Variants in TRIM9 observed in about 807,000 individuals in gnomAD.
The protein encoded by TRIM9 is tripartite motif containing 9.
A neutral mutation model predicts 78.3 loss-of-function variants in TRIM9; 26 were observed. That is an observed-to-expected ratio of 0.33 (90% CI 0.24 to 0.46). The LOEUF (loss-of-function observed/expected upper bound fraction) is 0.46, where lower values mean the gene tolerates loss of function less well. Among genes scored for constraint, TRIM9 ranks in the 20% least tolerant of loss-of-function variants. TRIM9 has a pLI of 1.00. For synonymous variants in TRIM9, 398 were observed against 416.5 expected, an observed-to-expected ratio of 0.96 and a Z score of 0.54; for missense variants, 787 against 1,036.4, an observed-to-expected ratio of 0.76 and a Z score of 3.30.
chr14:51,011,310 A>G (rs1175763390), intron 3 of TRIM9, among the ~76,000 whole-genome samples: 5 of 152,126 alleles, frequency 3.3e-5, no homozygotes, highest in African/African-American at 1.2e-4. Context: ...CTTCAGAGGC[A>G]TTTGTCATTT....
chr14:51,045,983 C>T (rs563861941), intron 1 of TRIM9, among the ~76,000 whole-genome samples: 2 of 151,952 alleles, frequency 1.3e-5, no homozygotes, highest in Admixed American at 6.6e-5. Context: ...TTACAACAAA[C>T]GAACCAGTGC....
Position 51,094,567 on chromosome 14 carries a change from A to T in TRIM9, c.373T>A (p.Cys125Ser). ...PALAPVPRNS[C>S]ITCPQCHRSL... is the part of the protein sequence containing the mutation. ...CGGTGACACTGGGGGCAGGTGATAC[A>T]GGAGTTGCGGGGCACCGGGGCCAGG... The change falls in exon 1 of 13, where the codon TGT (cysteine) becomes AGT (serine). Residue 125 changes from cysteine (C) to serine (S), a missense_variant. Around this residue, in one of 3 missense-constraint regions of TRIM9, gnomAD observed 352 missense variants for 472.3 expected, o/e 0.75. Coordinates refer to ENST00000684578, the MANE Select transcript of TRIM9 (RefSeq NM_001387360.1). The T allele has an allele frequency of 6.2e-7, 1 of 1,612,554 alleles. No individual in the cohort carries two copies. The highest frequency in any genetic ancestry group is 8.5e-7 in the Non-Finnish European group (1 of 1,179,644).
At chr14:50,979,641 T>G in intron 11 of TRIM9, 92 bp from the exon 12 acceptor site, 7 of 1,067,534 alleles carry the variant, frequency 6.6e-6, no homozygotes, top group Non-Finnish European at 9.7e-6. Context: ...TCTTGCAACC[T>G]GTTTATAATC....
At chr14:50,992,431 C>T (rs1174896628) in intron 7 of TRIM9, among the ~76,000 whole-genome samples, 3 of 149,646 alleles carry the variant, frequency 2.0e-5, no homozygotes, top group East Asian at 1.9e-4. Flanking sequence ...AAAAAAAAGC[C>T]AGGTGTGGTG....
At chr14:50,993,445 C>T (rs530160507) in intron 7 of TRIM9, among the ~76,000 whole-genome samples, 8 of 151,538 alleles carry the variant, frequency 5.3e-5, no homozygotes, top group South Asian at 2.1e-4. Context: ...CTCAGCTCAC[C>T]GCAACCTCTG....
chr14:51,048,241 A>C (rs1401827864), intron 1 of TRIM9, among the ~76,000 whole-genome samples: 1 of 152,202 alleles, frequency 6.6e-6, no homozygotes, highest in African/African-American at 2.4e-5. Flanking sequence ...TGCCTTGTGA[A>C]TGTCTATCTG....
intron 5 of TRIM9, among the ~76,000 whole-genome samples, chr14:51,003,371 T>C (rs555220299): frequency 6.6e-6 from 1 of 152,318 alleles, no homozygotes; most frequent in South Asian, 2.1e-4. Flanking sequence ...TGCTCTTATT[T>C]CATTAGCTCC....
chr14:50,996,448 C>T (rs906081564), intron 7 of TRIM9: 1 of 985,320 alleles, frequency 1.0e-6, no homozygotes, highest in African/African-American at 1.7e-5. Context: ...ATGCTAATAA[C>T]TGATTTTTAC....
Position 50,986,067 on chromosome 14 carries a change from A to G in TRIM9, c.1681T>C (p.Ser561Pro), listed in dbSNP as rs748523545. The G allele has an allele frequency of 7.2e-5, 111 of 1,549,648 alleles. No individual in the cohort carries two copies. Among genetic ancestry groups the G allele is most frequent in the Non-Finnish European group, 6.8e-5 (78 of 1,146,558 alleles). ...RLPLRRMSPF[S>P]STLNLQPSFP... ...CTGGGTTGTAGATTAAGGGTGGAGG[A>G]GAAAGGACTCATTCTACGGAGCGGC... The change falls in exon 8 of 13, where the codon TCC (serine) becomes CCC (proline). Residue 561 changes from serine to proline, a missense_variant. By Grantham distance (74) the Ser-to-Pro change is moderately conservative. Transcript: ENST00000684578.
At chr14:51,042,963 T>C (rs78156576) in intron 1 of TRIM9, among the ~76,000 whole-genome samples, 11,724 of 152,246 alleles carry the variant, frequency 0.077, 533 homozygotes, top group East Asian at 0.15. Flanking sequence ...TCTCTATATA[T>C]CTATTCCTGG....
At chr14:50,994,244 A>G (rs565904400) in intron 7 of TRIM9, among the ~76,000 whole-genome samples, 124 of 152,288 alleles carry the variant, frequency 8.1e-4, no homozygotes, top group Non-Finnish European at 1.6e-3. Flanking sequence ...CATCTCTACA[A>G]AAAATTTAAA....
chr14:51,022,199 G>A (rs1156769154), intron 3 of TRIM9, among the ~76,000 whole-genome samples: 1 of 152,194 alleles, frequency 6.6e-6, no homozygotes, highest in East Asian at 1.9e-4. Flanking sequence ...AAGAGGTGGA[G>A]CCTTTAAGGA....
intron 1 of TRIM9, among the ~76,000 whole-genome samples, chr14:51,036,010 G>A (rs1431362151): frequency 1.3e-5 from 2 of 152,200 alleles, no homozygotes; most frequent in East Asian, 3.8e-4. Flanking sequence ...TTGCTTGCAA[G>A]AATTCTATTG....
chr14:51,036,792 A>G (rs1271639468), intron 1 of TRIM9, among the ~76,000 whole-genome samples: 1 of 152,144 alleles, frequency 6.6e-6, no homozygotes, highest in Non-Finnish European at 1.5e-5. Flanking sequence ...CCCATCATTT[A>G]TTTTAAAACT....
At chr14:51,036,830 T>C (rs568470267) in intron 1 of TRIM9, among the ~76,000 whole-genome samples, 29 of 152,330 alleles carry the variant, frequency 1.9e-4, no homozygotes, top group African/African-American at 6.7e-4. Context: ...AATCTGACAG[T>C]TTTTCCCCTT....
At position 50,983,404 on chromosome 14, in the gene TRIM9, G is replaced by A. The variant is rs2052248319; in HGVS notation, c.1810C>T (p.Gln604Ter). 1 of 1,542,904 alleles carries A rather than the reference G, an allele frequency of 6.5e-7. No individual in the cohort carries two copies. Among genetic ancestry groups the A allele is most frequent in the Non-Finnish European group, 8.8e-7 (1 of 1,142,592 alleles). The change falls in exon 9 of 13, where the codon CAA (glutamine) becomes TAA (stop). Residue 604 changes from glutamine to a stop codon, truncating the protein, a stop_gained. Coordinates refer to ENST00000684578, the MANE Select transcript of TRIM9 (RefSeq NM_001387360.1). LOFTEE classifies it high-confidence loss of function. ...LNAPGCNFETQSAPYSQLVDI... is the reference protein window; with the variant it reads ...LNAPGCNFET ...CCTAATTGAGAGTAAGGTGCAGATT[G>A]TGTCTCAAAATTGCATCCTATAAAG...
chr14:51,005,906 G>T (rs873915), intron 5 of TRIM9, among the ~76,000 whole-genome samples: 52,162 of 151,958 alleles, frequency 0.34, 9,853 homozygotes, highest in African/African-American at 0.51. Flanking sequence ...AGTTAAATCC[G>T]TAGCTAATAA....
chr14:50,997,983 C>A, intron 7 of TRIM9, 67 bp downstream of exon 7: 1 of 1,602,854 alleles, frequency 6.2e-7, no homozygotes, highest in East Asian at 2.2e-5. Flanking sequence ...GGGTTACCTC[C>A]GGGCTTGCCA....
chr14:51,031,507 C>T (rs1272659103), intron 1 of TRIM9, among the ~76,000 whole-genome samples: 3 of 152,060 alleles, frequency 2.0e-5, no homozygotes, highest in Non-Finnish European at 4.4e-5. Flanking sequence ...ACTGATTTTC[C>T]CCTTCCTGAT....
Sources: gnomAD v4.1 joint callset for allele counts (sites outside exome capture counted in the v4.1 genomes callset) on GRCh38, gnomAD v4.1.1 for gene constraint, gnomAD v4.1.1 regional missense constraint, MANE v1.5 for transcripts, NCBI Gene and HGNC (gene_info 2026-07-23, HGNC 2026-07-21) for gene names.